The following ALS2 variants were observed in gnomAD, a reference collection of about 807,000 sequenced individuals.
The protein encoded by ALS2 is alsin Rho guanine nucleotide exchange factor ALS2.
Under a neutral mutation model 203.4 loss-of-function variants are expected in ALS2, and 117 were observed. The observed-to-expected ratio is 0.58, with a 90% CI of 0.50 to 0.67. The LOEUF is 0.67. ALS2 is among the 30% of genes least tolerant of loss of function. ALS2 has a pLI of 0.00. For missense variants in ALS2, 1,715 were observed against 1,989.4 expected, an observed-to-expected ratio of 0.86 and a Z score of 2.62; for synonymous variants, 718 against 725.9, an observed-to-expected ratio of 0.99 and a Z score of 0.17.
Position 201,727,297 on chromosome 2 carries a change from T to A in ALS2, c.2913-19A>T, listed in dbSNP as rs1691243684. Reference sequence around the variant, plus strand: ...GCCATTCCTAAAACGTTCACAAGGATAAATACCAGGACATTTAACAACCTG... The same window carrying A: ...GCCATTCCTAAAACGTTCACAAGGAAAAATACCAGGACATTTAACAACCTG... On this transcript the variant is annotated intron_variant, in intron 16 of 33. Transcript: ENST00000264276. 6.3e-7 allele frequency: 1 copy of A among 1,598,150 alleles called. No homozygotes were observed. Among genetic ancestry groups the A allele is most frequent in the Non-Finnish European group, 8.6e-7 (1 of 1,165,936 alleles).
At chr2:201,737,160 C>G (rs187205202) in intron 12 of ALS2, among the ~76,000 whole-genome samples, 1 of 152,086 alleles carries the variant, frequency 6.6e-6, no homozygotes, top group Admixed American at 6.6e-5. Context: ...AATCCCTAAA[C>G]GATACCATAT....
At chr2:201,733,619 G>C (rs1691708257) in intron 12 of ALS2, among the ~76,000 whole-genome samples, 181 bp from the exon 13 acceptor site, 1 of 152,170 alleles carries the variant, frequency 6.6e-6, no homozygotes, top group Non-Finnish European at 1.5e-5. Context: ...CTATAAGACA[G>C]GATTTTTAGT....
chr2:201,729,558 G>A (rs1559053558), intron 13 of ALS2, among the ~76,000 whole-genome samples: 2 of 152,074 alleles, frequency 1.3e-5, no homozygotes, highest in South Asian at 2.1e-4. Flanking sequence ...ATTAAGAAAT[G>A]TTAGAAGCTT....
chr2:201,761,943 AGCAGTTGTAGAAATCTGGTTCAAGCACAC>A (rs1458400299), intron 3 of ALS2, 125 bp from the exon 4 acceptor site: 89 of 1,074,566 alleles, frequency 8.3e-5, no homozygotes, highest in Non-Finnish European at 1.1e-4. Flanking sequence ...AATTTTCAAA[AGCAGTTGTAGAAATCTGGTTCAAGCACAC>A]AGTATTTCAC....
intron 25 of ALS2, among the ~76,000 whole-genome samples, chr2:201,714,706 T>C (rs749365641): frequency 5.0e-4 from 76 of 152,318 alleles, no homozygotes; most frequent in Admixed American, 1.8e-3. Context: ...CTCAAAGCCT[T>C]TGCATCCTTC....
chr2:201,729,533 A>G (rs1332033694), intron 13 of ALS2, among the ~76,000 whole-genome samples: 2 of 152,164 alleles, frequency 1.3e-5, no homozygotes, highest in African/African-American at 2.4e-5. Context: ...GATATTTACC[A>G]TATTAGAACA....
chr2:201,704,395 G>A (rs1434633530), intron 32 of ALS2, 59 bp downstream of exon 32: 10 of 1,601,838 alleles, frequency 6.2e-6, no homozygotes, highest in Non-Finnish European at 7.7e-6. Context: ...TTCAGAAAAT[G>A]CAAGCAGCAG....
chr2:201,706,058 T>A (rs1689695904), intron 29 of ALS2, among the ~76,000 whole-genome samples: 1 of 152,082 alleles, frequency 6.6e-6, no homozygotes, highest in Non-Finnish European at 1.5e-5. Context: ...AATAATTTAG[T>A]ATTCCCTGGA....
chr2:201,707,525 G>C (rs749181110), intron 28 of ALS2, among the ~76,000 whole-genome samples: 2 of 151,952 alleles, frequency 1.3e-5, no homozygotes, highest in African/African-American at 2.4e-5. Flanking sequence ...AACCTCCCAG[G>C]CCCAAGTGAT....
Position 201,761,827 on chromosome 2 carries a change from T to TA in ALS2, c.176-10dup, listed in dbSNP as rs777661762. On this transcript the variant is annotated splice_polypyrimidine_tract_variant and intron_variant, in intron 3 of 33. Coordinates refer to ENST00000264276, the MANE Select transcript of ALS2 (RefSeq NM_020919.4). The stretch of plus-strand genomic sequence containing the variant: ...GCTGTAGACCTCACCATCTGAAGGT[T>TA]AAAAAAAAGAAAAAAGAAAAAAAAA... 32 of 1,606,102 alleles carry TA rather than the reference T, an allele frequency of 2.0e-5. No individual in the cohort carries two copies. The highest frequency in any genetic ancestry group is 1.2e-4 in the Admixed American group (7 of 58,772).
intron 23 of ALS2, among the ~76,000 whole-genome samples, chr2:201,721,327 T>C (rs752919775): frequency 3.2e-4 from 48 of 152,218 alleles, no homozygotes; most frequent in African/African-American, 3.4e-4. Context: ...AAAATTTATA[T>C]GAAAAGTCAA....
At position 201,749,745 on chromosome 2, in the gene ALS2, G is replaced by A. The variant is rs371287525; in HGVS notation, c.1782C>T (p.Ser594=). 69 of 1,613,868 alleles carry A rather than the reference G, an allele frequency of 4.3e-5. No individual in the cohort carries two copies. In the African/African-American group the frequency reaches 5.9e-4, roughly 14 times the overall value. Reference sequence around the variant, plus strand: ...GACGAGGAACTGTTGTTGGAAAATCGGAATGCCCAAGTTGACCAAAGGTAT... The same window carrying A: ...GACGAGGAACTGTTGTTGGAAAATCAGAATGCCCAAGTTGACCAAAGGTAT... ...GSNTFGQLGH[S]DFPTTVPRLA... Residue 594 remains serine (S), a synonymous_variant, in exon 8 of 34, where the codon TCC becomes TCT. Transcript: ENST00000264276.
At chr2:201,717,724 G>A (rs1427070807) in intron 24 of ALS2, among the ~76,000 whole-genome samples, 3 of 151,260 alleles carry the variant, frequency 2.0e-5, no homozygotes, top group Non-Finnish European at 2.9e-5. Context: ...CAGGAGGATC[G>A]CTTAAGCTCA....
chr2:201,718,246 G>A (rs753094889), intron 23 of ALS2, 36 bp from the exon 24 acceptor site: 16 of 1,594,770 alleles, frequency 1.0e-5, no homozygotes, highest in Non-Finnish European at 1.4e-5. Flanking sequence ...TGGGGTTAGA[G>A]GAAATATATT....
chr2:201,730,632 TAA>T, intron 13 of ALS2, among the ~76,000 whole-genome samples: 1 of 146,808 alleles, frequency 6.8e-6, no homozygotes, highest in South Asian at 2.2e-4. Flanking sequence ...CTTTCAAGTT[TAA>T]AAAAAAAAAA....
chr2:201,732,399 C>CAAAAAAAA (rs11288102), intron 13 of ALS2, among the ~76,000 whole-genome samples: 3 of 85,144 alleles, frequency 3.5e-5, no homozygotes, highest in East Asian at 3.3e-4. Flanking sequence ...ACTAAAAATA[C>CAAAAAAAA]AAAAAAAAAA....
chr2:201,749,512 G>T (rs1294882689), intron 8 of ALS2, among the ~76,000 whole-genome samples, 200 bp downstream of exon 8: 1 of 152,034 alleles, frequency 6.6e-6, no homozygotes. Context: ...TTGAAGCTAA[G>T]AAATATAAAC....
intron 20 of ALS2, among the ~76,000 whole-genome samples, chr2:201,724,677 A>C (rs1691036608): frequency 6.6e-6 from 1 of 152,232 alleles, no homozygotes; most frequent in Admixed American, 6.5e-5. Flanking sequence ...TAACATGAAA[A>C]ACAATGTGTT....
intron 25 of ALS2, among the ~76,000 whole-genome samples, chr2:201,713,133 CTTTTTTTTTTTT>C (rs35807671): frequency 6.0e-4 from 58 of 96,274 alleles, no homozygotes; most frequent in African/African-American, 2.2e-3. Flanking sequence ...CTTTTCTTTT[CTTTTTTTTTTTT>C]TTTTTTTTGA....
Sources: gnomAD v4.1 joint callset for allele counts (sites outside exome capture counted in the v4.1 genomes callset) on GRCh38, gnomAD v4.1.1 for gene constraint, MANE v1.5 for transcripts, NCBI Gene and HGNC (gene_info 2026-07-23, HGNC 2026-07-21) for gene names.